The following RANBP2 variants were observed in gnomAD, a reference collection of about 807,000 sequenced individuals.
The protein encoded by RANBP2 is E3 SUMO-protein ligase RanBP2.
RANBP2 carries 57 observed loss-of-function variants against 303.6 expected under a neutral mutation model. That is an observed-to-expected ratio of 0.19 (90% CI 0.15 to 0.23). The LOEUF (loss-of-function observed/expected upper bound fraction) is 0.23. RANBP2 is among the 10% of genes least tolerant of loss of function. The pLI, the probability that RANBP2 is intolerant of heterozygous loss-of-function variation, is 1.00. For synonymous variants in RANBP2, 1,167 were observed against 1,301.5 expected (o/e 0.90, Z 2.23); for missense variants, 3,138 against 3,780.8 (o/e 0.83, Z 4.46).
the RANBP2 span, among the ~76,000 whole-genome samples, chr2:108,912,429 G>A: frequency 3.9e-5 from 6 of 152,120 alleles, no homozygotes; most frequent in East Asian, 7.7e-4. Context: ...TCCACCTGCC[G>A]CTATGCCCCC....
the RANBP2 span, among the ~76,000 whole-genome samples, chr2:108,959,887 T>G: frequency 6.6e-6 from 1 of 151,944 alleles, no homozygotes; most frequent in Non-Finnish European, 1.5e-5. Context: ...CACACACATA[T>G]CCAAGTGAAA....
chr2:109,217,647 G>A, the RANBP2 span, among the ~76,000 whole-genome samples: 1 of 152,248 alleles, frequency 6.6e-6, no homozygotes, highest in Non-Finnish European at 1.5e-5. Flanking sequence ...CCAGTGATGG[G>A]AATGAGATGA....
At chr2:108,931,207 G>A in the RANBP2 span, among the ~76,000 whole-genome samples, 1 of 152,258 alleles carries the variant, frequency 6.6e-6, no homozygotes, top group African/African-American at 2.4e-5. Context: ...CACTTGGGCT[G>A]ACTCTGGGGC....
chr2:109,435,928 C>A, the RANBP2 span, among the ~76,000 whole-genome samples: 5 of 152,148 alleles, frequency 3.3e-5, no homozygotes, highest in Admixed American at 2.0e-4. Flanking sequence ...CACCCAGGGT[C>A]CCCTAGCAGG....
At chr2:109,161,003 G>T in the RANBP2 span, among the ~76,000 whole-genome samples, 1 of 152,152 alleles carries the variant, frequency 6.6e-6, no homozygotes, top group Non-Finnish European at 1.5e-5. Flanking sequence ...GGAGAACTGA[G>T]CCTGGCACTA....
intron 1 of RANBP2, among the ~76,000 whole-genome samples, chr2:108,722,440 G>A (rs1169571676): frequency 6.6e-6 from 1 of 151,764 alleles, no homozygotes; most frequent in Non-Finnish European, 1.5e-5. Flanking sequence ...GGCAGTGGCT[G>A]TGAAGAATAT....
chr2:109,216,365 AT>A, the RANBP2 span, among the ~76,000 whole-genome samples: 1 of 152,194 alleles, frequency 6.6e-6, no homozygotes, highest in African/African-American at 2.4e-5. Context: ...ACAGCATATC[AT>A]TTATTTAGCT....
chr2:109,317,125 T>C, the RANBP2 span, among the ~76,000 whole-genome samples: 47,399 of 151,956 alleles, frequency 0.31, 9,171 homozygotes, highest in African/African-American at 0.55. Flanking sequence ...TGAGTGGGTT[T>C]CTCATGAAAT....
chr2:108,970,949 A>C, the RANBP2 span, among the ~76,000 whole-genome samples: 1 of 152,214 alleles, frequency 6.6e-6, no homozygotes, highest in Non-Finnish European at 1.5e-5. Context: ...TCAGCAAAAC[A>C]ACCTAATTTG....
chr2:109,051,672 G>C, the RANBP2 span, among the ~76,000 whole-genome samples: 111 of 152,144 alleles, frequency 7.3e-4, no homozygotes, highest in African/African-American at 2.4e-3. Flanking sequence ...AAGGAAAAAG[G>C]GCATTTGGCT....
chr2:108,746,483 A>G lies in RANBP2; in HGVS notation c.976-228A>G, dbSNP rs536613126. Among the ~76,000 whole-genome samples the G allele has an allele frequency of 4.8e-3, 702 of 146,382 alleles. 7 individuals are homozygous for G. The highest frequency in any genetic ancestry group is 0.014 in the African/African-American group (569 of 39,352). ...AGTGATCAGCCCACCTTGGCCTCCC[A>G]GAGTGTTGGGATTACAGGTGTGAGC... On this transcript the variant is annotated intron_variant, in intron 7 of 28. Coordinates refer to ENST00000283195, the MANE Select transcript of RANBP2 (RefSeq NM_006267.5).
chr2:109,098,854 T>TGAG, the RANBP2 span, among the ~76,000 whole-genome samples: 1 of 152,172 alleles, frequency 6.6e-6, no homozygotes, highest in Non-Finnish European at 1.5e-5. Flanking sequence ...AATACCCGGT[T>TGAG]ATTTGGCTGC....
the RANBP2 span, among the ~76,000 whole-genome samples, chr2:109,041,930 A>T: frequency 6.6e-6 from 1 of 152,096 alleles, no homozygotes; most frequent in African/African-American, 2.4e-5. Flanking sequence ...AATGTGGTGA[A>T]TTACAATGTT....
the RANBP2 span, among the ~76,000 whole-genome samples, chr2:109,030,024 G>C: frequency 6.6e-6 from 1 of 152,208 alleles, no homozygotes; most frequent in Admixed American, 6.5e-5. Flanking sequence ...GCCAGTTCGA[G>C]TGTGTGGGTG....
At chr2:109,266,341 T>C in the RANBP2 span, among the ~76,000 whole-genome samples, 1 of 151,918 alleles carries the variant, frequency 6.6e-6, no homozygotes, top group Admixed American at 6.6e-5. Flanking sequence ...TGTGTGTGTA[T>C]GTATGTATAC....
At chr2:109,403,656 C>T in the RANBP2 span, among the ~76,000 whole-genome samples, 1 of 152,218 alleles carries the variant, frequency 6.6e-6, no homozygotes, top group South Asian at 2.1e-4. Flanking sequence ...TAGGCTGAGG[C>T]CAGGCTCAAT....
the RANBP2 span, among the ~76,000 whole-genome samples, chr2:109,606,043 G>A: frequency 6.6e-6 from 1 of 152,218 alleles, no homozygotes; most frequent in African/African-American, 2.4e-5. Flanking sequence ...AAGACATTTT[G>A]TGCAAGGATG....
the RANBP2 span, chr2:108,896,788 C>T: frequency 2.6e-5 from 25 of 977,128 alleles, no homozygotes; most frequent in Non-Finnish European, 3.7e-5. Flanking sequence ...CATCCTAAGG[C>T]ATACGGTGAC....
chr2:109,181,142 G>C, the RANBP2 span, among the ~76,000 whole-genome samples: 1 of 152,138 alleles, frequency 6.6e-6, no homozygotes, highest in African/African-American at 2.4e-5. Context: ...CTTCCAGCTC[G>C]TCTGTGTTTG....
Sources: gnomAD v4.1 joint callset for allele counts (sites outside exome capture counted in the v4.1 genomes callset) on GRCh38, gnomAD v4.1.1 for gene constraint, MANE v1.5 for transcripts, NCBI Gene and HGNC (gene_info 2026-07-23, HGNC 2026-07-21) for gene names.